Variants in HS3ST4 observed in about 807,000 individuals in gnomAD.
The protein encoded by HS3ST4 is heparan sulfate-glucosamine 3-sulfotransferase 4.
Under a neutral mutation model 29.2 loss-of-function variants are expected in HS3ST4, and 17 were observed. The ratio of observed to expected loss-of-function variants is 0.58; its 90% CI spans 0.40 to 0.87. The LOEUF is 0.87. Among genes scored for constraint, HS3ST4 ranks in the 40% least tolerant of loss-of-function variants. The pLI, the probability that HS3ST4 is intolerant of heterozygous loss-of-function variation, is 0.00. For missense variants in HS3ST4, 627 were observed against 634.5 expected, an observed-to-expected ratio of 0.99 and a Z score of 0.13; for synonymous variants, 314 against 285.7, an observed-to-expected ratio of 1.10 and a Z score of -1.00.
intron 1 of HS3ST4, among the ~76,000 whole-genome samples, chr16:25,735,030 A>G (rs1966597731): frequency 1.3e-5 from 2 of 152,216 alleles, no homozygotes; most frequent in Admixed American, 1.3e-4. Context: ...TGGTCAAGGA[A>G]CTGACTCCTT....
chr16:25,758,311 T>C (rs1567233959), intron 1 of HS3ST4, among the ~76,000 whole-genome samples: 1 of 152,234 alleles, frequency 6.6e-6, no homozygotes, highest in Non-Finnish European at 1.5e-5. Flanking sequence ...TGGTTACAAA[T>C]GTTAATCATG....
intron 1 of HS3ST4, among the ~76,000 whole-genome samples, chr16:26,064,683 T>A (rs1212696964): frequency 6.7e-6 from 1 of 149,222 alleles, no homozygotes; most frequent in East Asian, 2.0e-4. Context: ...AATGGCGTGA[T>A]CTTGGCTCAC....
At chr16:25,864,819 A>G (rs1322132401) in intron 1 of HS3ST4, among the ~76,000 whole-genome samples, 1 of 151,568 alleles carries the variant, frequency 6.6e-6, no homozygotes, top group East Asian at 1.9e-4. Flanking sequence ...CATTGTATAT[A>G]TATTTATAAA....
chr16:25,737,221 T>C (rs535681922), intron 1 of HS3ST4, among the ~76,000 whole-genome samples: 1 of 152,336 alleles, frequency 6.6e-6, no homozygotes, highest in South Asian at 2.1e-4. Context: ...ATGCTGCTGG[T>C]TACGATGCAC....
At chr16:25,997,771 A>G (rs562709524) in intron 1 of HS3ST4, among the ~76,000 whole-genome samples, 25 of 152,270 alleles carry the variant, frequency 1.6e-4, no homozygotes, top group African/African-American at 6.0e-4. Flanking sequence ...CAAGTGCCCC[A>G]TGCTCTGGCT....
intron 1 of HS3ST4, among the ~76,000 whole-genome samples, chr16:26,026,703 T>G (rs1969478517): frequency 6.6e-6 from 1 of 152,116 alleles, no homozygotes; most frequent in South Asian, 2.1e-4. Flanking sequence ...TCTCCAGAAT[T>G]TGATTACACG....
chr16:26,123,146 G>A (rs1899299267), intron 1 of HS3ST4, among the ~76,000 whole-genome samples: 1 of 152,012 alleles, frequency 6.6e-6, no homozygotes, highest in Admixed American at 6.6e-5. Flanking sequence ...GCACCACAAT[G>A]CTAGCAGTGA....
intron 1 of HS3ST4, among the ~76,000 whole-genome samples, chr16:25,803,551 AT>A: frequency 6.6e-6 from 1 of 152,092 alleles, no homozygotes; most frequent in East Asian, 1.9e-4. Context: ...CCAAATTATT[AT>A]TTTTAAATTC....
At chr16:25,875,952 G>T (rs1470735882) in intron 1 of HS3ST4, among the ~76,000 whole-genome samples, 1 of 152,124 alleles carries the variant, frequency 6.6e-6, no homozygotes, top group Non-Finnish European at 1.5e-5. Context: ...CTCAGGCAAG[G>T]CTGCTTCTCT....
chr16:25,834,688 G>C (rs147157680), intron 1 of HS3ST4, among the ~76,000 whole-genome samples: 2,716 of 152,286 alleles, frequency 0.018, 85 homozygotes, highest in African/African-American at 0.057. Flanking sequence ...GCTCACGCCT[G>C]TAATCCCAGA....
intron 1 of HS3ST4, among the ~76,000 whole-genome samples, chr16:25,996,456 A>G (rs375173798): frequency 2.0e-5 from 3 of 152,308 alleles, no homozygotes; most frequent in East Asian, 1.9e-4. Flanking sequence ...GAAATTTAAT[A>G]TATAGTATAA....
At chr16:25,925,475 C>T (rs899876922) in intron 1 of HS3ST4, among the ~76,000 whole-genome samples, 2 of 152,052 alleles carry the variant, frequency 1.3e-5, no homozygotes, top group Non-Finnish European at 2.9e-5. Context: ...AGCTCAGTGT[C>T]ACAGATTACG....
chr16:25,716,635 A>C (rs576460471), intron 1 of HS3ST4, among the ~76,000 whole-genome samples: 7 of 152,372 alleles, frequency 4.6e-5, no homozygotes, highest in Non-Finnish European at 7.3e-5. Context: ...TCTTAGCTAA[A>C]CTTAATTGTA....
chr16:26,116,887 G>T (rs773924214), intron 1 of HS3ST4, among the ~76,000 whole-genome samples: 1 of 152,168 alleles, frequency 6.6e-6, no homozygotes, highest in African/African-American at 2.4e-5. Flanking sequence ...TCAGATTTGG[G>T]ATTTTGGGGG....
intron 1 of HS3ST4, among the ~76,000 whole-genome samples, chr16:25,723,936 A>G (rs1966513265): frequency 6.6e-6 from 1 of 152,006 alleles, no homozygotes; most frequent in Non-Finnish European, 1.5e-5. Flanking sequence ...ACATGGTGAA[A>G]CCCTGTCTCT....
intron 1 of HS3ST4, among the ~76,000 whole-genome samples, chr16:26,028,429 G>C (rs979530047): frequency 2.6e-5 from 4 of 152,132 alleles, no homozygotes; most frequent in Non-Finnish European, 4.4e-5. Context: ...ATCAAGAAGA[G>C]AGACTTTTTA....
intron 1 of HS3ST4, among the ~76,000 whole-genome samples, chr16:25,754,392 C>T (rs978206726): frequency 2.1e-4 from 31 of 151,152 alleles, no homozygotes; most frequent in African/African-American, 7.3e-4. Context: ...AGCCATTCAT[C>T]CACCCACCCA....
chr16:25,763,642 G>A (rs1311823795), intron 1 of HS3ST4, among the ~76,000 whole-genome samples: 7 of 152,158 alleles, frequency 4.6e-5, no homozygotes, highest in African/African-American at 1.7e-4. Flanking sequence ...GAATATTGCA[G>A]GCAGAGGGAA....
intron 1 of HS3ST4, among the ~76,000 whole-genome samples, chr16:25,931,053 G>A (rs1209941303): frequency 1.3e-5 from 2 of 152,204 alleles, no homozygotes; most frequent in Non-Finnish European, 2.9e-5. Flanking sequence ...GATTACAGGT[G>A]TGAGCAACTG....
Sources: allele counts gnomAD v4.1 joint callset (sites outside exome capture counted in the v4.1 genomes callset), GRCh38; gene constraint gnomAD v4.1.1; transcripts MANE v1.5; gene names NCBI Gene and HGNC (gene_info 2026-07-23, HGNC 2026-07-21).